FGF13: variants seen among roughly 807,000 people sequenced by gnomAD.
FGF13 encodes fibroblast growth factor homologous factor 2.
A neutral mutation model predicts 19.5 loss-of-function variants in FGF13; 2 were observed. The observed-to-expected ratio is 0.10, with a 90% confidence interval of 0.04 to 0.32. The LOEUF (loss-of-function observed/expected upper bound fraction) is 0.32. Among genes scored for constraint, FGF13 ranks in the 10% least tolerant of loss-of-function variants. FGF13 has a pLI of 1.00. For synonymous variants in FGF13, 72 were observed against 76.9 expected (o/e 0.94, Z 0.33); for missense variants, 113 against 192.7 (o/e 0.59, Z 2.45).
At chrX:138,775,363 C>G (rs2090580169) in intron 3 of FGF13, among the ~76,000 whole-genome samples, 1 of 112,028 alleles carries the variant, frequency 8.9e-6, no homozygotes, top group South Asian at 3.7e-4. Context: ...AAGGCCAGGA[C>G]AAGAAAAAGT....
chrX:139,032,133 T>C (rs990542419), intron 1 of FGF13, among the ~76,000 whole-genome samples: 1 of 111,807 alleles, frequency 8.9e-6, no homozygotes, highest in Non-Finnish European at 1.9e-5. Context: ...CTTAGGTCCT[T>C]ACCCCTCTAC....
chrX:139,106,726 CTACA>C (rs1360503273), intron 1 of FGF13, among the ~76,000 whole-genome samples: 1 of 112,614 alleles, frequency 8.9e-6, no homozygotes, highest in Admixed American at 9.4e-5. Flanking sequence ...AATGAAAATA[CTACA>C]TAAAGTTCAA....
At chrX:138,928,123 A>G (rs2091683364) in intron 1 of FGF13, among the ~76,000 whole-genome samples, 1 of 111,250 alleles carries the variant, frequency 9.0e-6, no homozygotes, top group South Asian at 3.8e-4. Flanking sequence ...TTTATTTTGT[A>G]TAACATACAT....
chrX:138,996,197 C>T (rs1353479422), intron 1 of FGF13, among the ~76,000 whole-genome samples: 1 of 112,353 alleles, frequency 8.9e-6, no homozygotes, highest in Non-Finnish European at 1.9e-5. Flanking sequence ...GGGCGCAACC[C>T]ACAGAGGGCA....
intron 3 of FGF13, among the ~76,000 whole-genome samples, chrX:138,827,355 A>ACC: frequency 8.9e-6 from 1 of 111,888 alleles, no homozygotes; most frequent in Non-Finnish European, 1.9e-5. Flanking sequence ...GTACTTTGTA[A>ACC]CTGTGGAAAT....
chrX:138,672,377 T>C (rs191933117), intron 3 of FGF13, among the ~76,000 whole-genome samples: 36 of 110,924 alleles, frequency 3.2e-4, no homozygotes, highest in African/African-American at 7.8e-4. Context: ...GTGGAAGTGA[T>C]GAGAGTTGGT....
At chrX:138,983,414 T>TATATATATATATATATA in intron 1 of FGF13, among the ~76,000 whole-genome samples, 1 of 81,197 alleles carries the variant, frequency 1.2e-5, no homozygotes, top group African/African-American at 4.3e-5. Context: ...TAAGTTGATC[T>TATATATATATATATATA]TATATATATA....
intron 1 of FGF13, among the ~76,000 whole-genome samples, chrX:138,868,379 C>CGT (rs779744839): frequency 3.7e-5 from 4 of 107,831 alleles, no homozygotes; most frequent in Non-Finnish European, 7.7e-5. Context: ...TGTGTGTGTG[C>CGT]GTGTGTGTGT....
In FGF13 at chrX:138,751,719, C is replaced by T. The variant is rs371923904; in HGVS notation, c.218-42791G>A. 3.3e-4 allele frequency among the ~76,000 whole-genome samples: 37 copies of T among 111,560 alleles called. No individual in the cohort carries two copies. The East Asian group carries it at 0.01, about 31-fold the overall frequency. On this transcript the variant is annotated intron_variant, in intron 3 of 6. Coordinates refer to the FGF13 transcript ENST00000436198. Reference sequence around the variant, plus strand: ...TCAAAATCCTGTGTATGGAATGCATCGTATCAACTGGAATATATGAGGTGT... The same window carrying T: ...TCAAAATCCTGTGTATGGAATGCATTGTATCAACTGGAATATATGAGGTGT...
At chrX:138,962,489 T>C (rs2091876279) in intron 1 of FGF13, among the ~76,000 whole-genome samples, 1 of 112,132 alleles carries the variant, frequency 8.9e-6, no homozygotes, top group Admixed American at 9.5e-5. Context: ...GCCATCCCAT[T>C]ACTGGGTATA....
chrX:138,885,734 C>G (rs1475987237), intron 1 of FGF13, among the ~76,000 whole-genome samples: 1 of 108,756 alleles, frequency 9.2e-6, no homozygotes, highest in Non-Finnish European at 1.9e-5. Context: ...CATTACGGCC[C>G]CTCTTGAATG....
In FGF13 at chrX:138,932,141, C is replaced by A. The variant is rs761956138; in HGVS notation, c.-112-67491G>T. On this transcript the variant is annotated intron_variant, in intron 1 of 2. Coordinates refer to the FGF13 transcript ENST00000421460. ...GAGATTGGATCCAATGGAGTCGTCA[C>A]TCCCAGCAACGTCCTTAAAAGCTTA... Among the ~76,000 whole-genome samples, 285 of 111,909 alleles carry A rather than the reference C, an allele frequency of 2.5e-3. 1 individual carries two copies. The highest frequency in any genetic ancestry group is 8.9e-3 in the African/African-American group (273 of 30,771).
intron 3 of FGF13, among the ~76,000 whole-genome samples, chrX:138,683,410 C>G (rs2089748773): frequency 9.2e-6 from 1 of 108,667 alleles, no homozygotes; most frequent in Admixed American, 9.9e-5. Flanking sequence ...CTCTCTCTCT[C>G]TCTCTCACAC....
In FGF13 at chrX:138,710,980, C is replaced by G. The variant is rs777954078; in HGVS notation, c.24G>C (p.Ser8=). The G allele has an allele frequency of 2.5e-6, 3 of 1,210,931 alleles. No homozygotes were observed. The highest frequency in any genetic ancestry group is 3.4e-6 in the Non-Finnish European group (3 of 895,407). The stretch of plus-strand genomic sequence containing the variant: ...GGGCTTGCCTCTTCTGACGGATGAG[C>G]GAGCTGGCGATAGCCGCCGCCATGG... MAAAIAS[S]LIRQKRQARE... The change falls in exon 1 of 5, where the codon TCG becomes TCC. Residue 8 remains serine (S), a synonymous_variant. Coordinates refer to ENST00000315930, the MANE Select transcript of FGF13 (RefSeq NM_004114.5).
At chrX:138,796,432 T>C (rs1331238023) in intron 3 of FGF13, among the ~76,000 whole-genome samples, 3 of 112,282 alleles carry the variant, frequency 2.7e-5, no homozygotes, top group Non-Finnish European at 3.8e-5. Flanking sequence ...TAGTATTCCA[T>C]AGTGTGTATG....
intron 3 of FGF13, among the ~76,000 whole-genome samples, chrX:138,766,381 G>A (rs958056997): frequency 1.8e-5 from 2 of 111,935 alleles, no homozygotes; most frequent in South Asian, 3.8e-4. Context: ...GTTCTGGAAG[G>A]CTATCAATTG....
At chrX:138,873,081 A>G (rs1269407191) in intron 1 of FGF13, among the ~76,000 whole-genome samples, 2 of 112,117 alleles carry the variant, frequency 1.8e-5, no homozygotes, top group Non-Finnish European at 3.8e-5. Context: ...CACAACTCCC[A>G]GCAATATTTG....
intron 3 of FGF13, among the ~76,000 whole-genome samples, chrX:138,744,792 T>G: frequency 9.0e-6 from 1 of 111,215 alleles, no homozygotes. Flanking sequence ...ATGAGTACAG[T>G]TCAAAAATAT....
In FGF13 at chrX:138,894,777, A is replaced by G. The variant is rs183493741; in HGVS notation, c.-112-30127T>C. On this transcript the variant is annotated intron_variant, in intron 1 of 2. Transcript: ENST00000421460. ...ATTCCTTCTGAAACTATTCCAATCA[A>G]TAGAAAAAGAGGGAATCCTCCCTAA... 7.6e-3 allele frequency among the ~76,000 whole-genome samples: 850 copies of G among 111,824 alleles called. 8 individuals are homozygous for G. The highest frequency in any genetic ancestry group is 0.026 in the African/African-American group (804 of 30,743).
Sources: gnomAD v4.1 joint callset for allele counts (sites outside exome capture counted in the v4.1 genomes callset) on GRCh38, gnomAD v4.1.1 for gene constraint, MANE v1.5 for transcripts, NCBI Gene and HGNC (gene_info 2026-07-23, HGNC 2026-07-21) for gene names.